Variants in MTSS1 observed in about 807,000 individuals in gnomAD.
The protein encoded by MTSS1 is protein MTSS 1.
In MTSS1, 18 loss-of-function variants were observed where a neutral mutation model predicts 79.0. The ratio of observed to expected loss-of-function variants is 0.23; its 90% CI spans 0.16 to 0.34. MTSS1 has a LOEUF of 0.34. Among genes scored for constraint, MTSS1 ranks in the 10% least tolerant of loss-of-function variants. MTSS1 has a pLI of 1.00. For missense variants in MTSS1, 815 were observed against 986.2 expected (o/e 0.83, Z 2.33); for synonymous variants, 341 against 368.6 (o/e 0.93, Z 0.86).
intron 4 of MTSS1, among the ~76,000 whole-genome samples, chr8:124,589,934 G>T (rs1831549639): frequency 1.3e-5 from 2 of 152,126 alleles, no homozygotes. Context: ...TCGGCTCACT[G>T]CAACCACCAC....
At position 124,649,446 on chromosome 8, in the gene MTSS1, C is replaced by A. The variant is rs1467504001; in HGVS notation, c.208+50080G>T. On this transcript the variant is annotated intron_variant, in intron 3 of 13. Transcript: ENST00000518547. ...CTGAGATGGGAGCTATGCTTCCTGA[C>A]CAGCTTTCGTGACAATCACATGACC... Among the ~76,000 whole-genome samples the A allele has an allele frequency of 2.6e-5, 4 of 152,118 alleles. No homozygotes were observed. In the East Asian group the frequency reaches 7.7e-4, roughly 29 times the overall value.
In MTSS1 at chr8:124,617,900, A is replaced by G. The variant is rs139636128; in HGVS notation, c.209-26665T>C. ...ATCATAGAAGAGGAAAATGAGACAC[A>G]AAGGCTATAGCACTTCCAAGAGGTG... On this transcript the variant is annotated intron_variant, in intron 3 of 13. Coordinates refer to ENST00000518547, the MANE Select transcript of MTSS1 (RefSeq NM_014751.6). Among the ~76,000 whole-genome samples the G allele has an allele frequency of 2.0e-3, 299 of 152,326 alleles. 3 individuals carry two copies. Among genetic ancestry groups the G allele is most frequent in the Middle Eastern group, 6.8e-3 (2 of 294 alleles).
At chr8:124,615,285 G>GAA (rs1836637960) in intron 3 of MTSS1, among the ~76,000 whole-genome samples, 1 of 151,798 alleles carries the variant, frequency 6.6e-6, no homozygotes, top group Non-Finnish European at 1.5e-5. Context: ...GAGAGCGGTG[G>GAA]AAAGGATTAA....
At chr8:124,585,229 C>T (rs1185104498) in intron 5 of MTSS1, 68 bp from the exon 6 acceptor site, 2 of 1,122,764 alleles carry the variant, frequency 1.8e-6, no homozygotes, top group Admixed American at 1.9e-5. Context: ...AGGTAGGAAA[C>T]AGCCATTACA....
chr8:124,577,680 T>C, intron 6 of MTSS1: 1 of 513,306 alleles, frequency 1.9e-6, no homozygotes, highest in African/African-American at 1.9e-5. Context: ...GCCTACATTC[T>C]GTATTTCCTC....
Position 124,565,642 on chromosome 8 carries a change from TGGACCCC to T in MTSS1, c.824+13_824+19del. ...AAATGACCCGTCCTGAAAGCAAGAG[TGGACCCC>T]GGCTTCACTCACCTGCAGACACTGG... On this transcript the variant is annotated intron_variant, in intron 9 of 13. Coordinates refer to ENST00000518547, the MANE Select transcript of MTSS1 (RefSeq NM_014751.6). 1 of 1,601,424 alleles carries T rather than the reference TGGACCCC, an allele frequency of 6.2e-7. No homozygotes were observed. Among genetic ancestry groups the T allele is most frequent in the South Asian group, 1.1e-5 (1 of 90,764 alleles).
intron 3 of MTSS1, among the ~76,000 whole-genome samples, chr8:124,660,432 G>GCACA (rs5894719): frequency 0.16 from 22,118 of 140,544 alleles, 1,891 homozygotes; most frequent in East Asian, 0.3. Flanking sequence ...CCATGCGCAT[G>GCACA]CACACACACA....
chr8:124,580,082 T>C (rs1233310901), intron 6 of MTSS1: 1 of 153,862 alleles, frequency 6.5e-6, no homozygotes. Context: ...GAAAGAACTA[T>C]ATGGTCTTGC....
intron 3 of MTSS1, among the ~76,000 whole-genome samples, chr8:124,660,551 C>G (rs1416992681): frequency 6.6e-6 from 1 of 151,282 alleles, no homozygotes; most frequent in Non-Finnish European, 1.5e-5. Context: ...GATCACTAAC[C>G]CACGCCTCCA....
chr8:124,693,353 T>G (rs1828270595), intron 3 of MTSS1, among the ~76,000 whole-genome samples: 1 of 152,184 alleles, frequency 6.6e-6, no homozygotes, highest in Admixed American at 6.5e-5. Flanking sequence ...GGAAAGCTTT[T>G]CAAAATTGGA....
chr8:124,570,427 G>A (rs918616337), intron 6 of MTSS1, among the ~76,000 whole-genome samples: 4 of 152,006 alleles, frequency 2.6e-5, no homozygotes, highest in Admixed American at 1.3e-4. Flanking sequence ...GGTAAAATAC[G>A]GTATTTTGAA....
At chr8:124,619,580 T>A (rs1244583222) in intron 3 of MTSS1, 1 of 152,266 alleles carries the variant, frequency 6.6e-6, no homozygotes, top group Non-Finnish European at 1.5e-5. Context: ...AAGGAACAAA[T>A]CACTGTGAAA....
chr8:124,706,282 T>C (rs768847349), intron 1 of MTSS1, among the ~76,000 whole-genome samples: 2 of 152,252 alleles, frequency 1.3e-5, no homozygotes, highest in African/African-American at 2.4e-5. Flanking sequence ...TCTGGACCAA[T>C]GTATTGCTTT....
intron 3 of MTSS1, among the ~76,000 whole-genome samples, chr8:124,641,411 C>G (rs1818027229): frequency 6.6e-6 from 1 of 152,238 alleles, no homozygotes; most frequent in East Asian, 1.9e-4. Context: ...TTTCTAGTCC[C>G]AGGGTCTCTC....
At chr8:124,712,989 C>A (rs1407323443) in intron 1 of MTSS1, among the ~76,000 whole-genome samples, 1 of 152,202 alleles carries the variant, frequency 6.6e-6, no homozygotes, top group Non-Finnish European at 1.5e-5. Flanking sequence ...AATAACCAAA[C>A]AAATATGTCA....
At chr8:124,640,577 T>A (rs970975354) in intron 3 of MTSS1, among the ~76,000 whole-genome samples, 3 of 152,312 alleles carry the variant, frequency 2.0e-5, no homozygotes, top group East Asian at 1.9e-4. Flanking sequence ...GGAGACTCGC[T>A]CTGTCACCCA....
rs1828383019 is a variant in MTSS1, at chr8:124,694,015, C to CA, written c.208+5510dup. Among the ~76,000 whole-genome samples the CA allele has an allele frequency of 2.0e-5, 3 of 152,280 alleles. No individual in the cohort carries two copies. In the South Asian group the frequency reaches 6.2e-4, roughly 32 times the overall value. ...TCACATAGCTGCAAAGGCACGAAGT[C>CA]AAACCTACGTATCCCAGATCCCAAG... On this transcript the variant is annotated intron_variant, in intron 3 of 13. Coordinates refer to ENST00000518547, the MANE Select transcript of MTSS1 (RefSeq NM_014751.6).
chr8:124,646,952 C>T (rs1447380368), intron 3 of MTSS1, among the ~76,000 whole-genome samples: 1 of 151,996 alleles, frequency 6.6e-6, no homozygotes, highest in Non-Finnish European at 1.5e-5. Flanking sequence ...CTCAAATGGT[C>T]CTCCCACCTC....
intron 2 of MTSS1, among the ~76,000 whole-genome samples, chr8:124,700,101 T>G (rs1829493657): frequency 6.7e-6 from 1 of 150,366 alleles, no homozygotes; most frequent in Non-Finnish European, 1.5e-5. Context: ...ATCGCACCAC[T>G]GCACTCCAGC....
Sources: gnomAD v4.1 joint callset for allele counts (sites outside exome capture counted in the v4.1 genomes callset) on GRCh38, gnomAD v4.1.1 for gene constraint, MANE v1.5 for transcripts, NCBI Gene and HGNC (gene_info 2026-07-23, HGNC 2026-07-21) for gene names.